Variants in CLTC observed in about 807,000 individuals in gnomAD.
CLTC encodes the protein clathrin heavy chain, also known as clathrin heavy chain 1.
In CLTC, 16 loss-of-function variants were observed where a neutral mutation model predicts 195.8. The observed-to-expected ratio is 0.08, with a 90% CI of 0.06 to 0.12. The LOEUF (loss-of-function observed/expected upper bound fraction) is 0.12, where lower values mean the gene tolerates loss of function less well. Among genes scored for constraint, CLTC ranks in the 10% least tolerant of loss-of-function variants. The pLI, the probability that CLTC is intolerant of heterozygous loss-of-function variation, is 1.00. For synonymous variants in CLTC, 667 were observed against 689.4 expected (o/e 0.97, Z 0.51); for missense variants, 796 against 2,027.0 (o/e 0.39, Z 11.66).
chr17:59,691,310 C>A (rs972844650), intron 31 of CLTC, among the ~76,000 whole-genome samples: 1 of 152,082 alleles, frequency 6.6e-6, no homozygotes, highest in African/African-American at 2.4e-5. Flanking sequence ...AGCACAATAA[C>A]CAGGTGAGGG....
At chr17:59,680,780 T>C in intron 18 of CLTC, 132 bp from the exon 19 acceptor site, 1 of 615,368 alleles carries the variant, frequency 1.6e-6, no homozygotes, top group East Asian at 2.7e-5. Context: ...AAGACCTCTC[T>C]ATGTAAATTT....
At chr17:59,639,875 GA>G (rs963873334) in intron 1 of CLTC, among the ~76,000 whole-genome samples, 1 of 151,638 alleles carries the variant, frequency 6.6e-6, no homozygotes, top group Non-Finnish European at 1.5e-5. Flanking sequence ...GAGGTAGGAA[GA>G]TCACTTGAGC....
chr17:59,679,385 T>C lies in CLTC; in HGVS notation c.2797-12T>C, dbSNP rs2143586411. On this transcript the variant is annotated splice_polypyrimidine_tract_variant and intron_variant, in intron 17 of 31. Coordinates refer to ENST00000269122, the MANE Select transcript of CLTC (RefSeq NM_004859.4). ...TTTTTACCTTGAAATTAATCTATCA[T>C]ATCTTCTTTAGGTTTGCAATGAGAA... The C allele has an allele frequency of 6.3e-7, 1 of 1,591,318 alleles. No homozygotes were observed. Among genetic ancestry groups the C allele is most frequent in the Non-Finnish European group, 8.6e-7 (1 of 1,166,694 alleles).
At position 59,682,487 on chromosome 17, in the gene CLTC, G is replaced by A. The variant is rs1341908953; in HGVS notation, c.3600+59G>A. 2 of 1,600,232 alleles carry A rather than the reference G, an allele frequency of 1.2e-6. No homozygotes were observed. The highest frequency in any genetic ancestry group is 1.3e-5 in the African/African-American group (1 of 74,210). On this transcript the variant is annotated intron_variant, in intron 22 of 31. Coordinates refer to ENST00000269122, the MANE Select transcript of CLTC (RefSeq NM_004859.4). This position sits in a 1 kb window ranked among gnomAD's most constrained non-coding sequence, Gnocchi z 6.8. ...TTGGGCTACTTGATTAGCTTGGTAG[G>A]ATCAAAACATCATAACTGAAGAATT...
intron 5 of CLTC, among the ~76,000 whole-genome samples, chr17:59,655,529 A>G (rs2032444709): frequency 2.0e-5 from 3 of 151,864 alleles, no homozygotes; most frequent in African/African-American, 7.3e-5. Flanking sequence ...TGCTCGATGC[A>G]GGGTTGCCAT....
chr17:59,658,150 C>T (rs780052981), intron 6 of CLTC, among the ~76,000 whole-genome samples: 4 of 152,114 alleles, frequency 2.6e-5, no homozygotes, highest in Non-Finnish European at 5.9e-5. Context: ...TTGCTGTGAG[C>T]CAATATTGTG....
chr17:59,678,919 T>C (rs190688122), intron 17 of CLTC, among the ~76,000 whole-genome samples: 19 of 152,322 alleles, frequency 1.2e-4, no homozygotes, highest in Admixed American at 2.6e-4. Context: ...GGAGGATCAC[T>C]TGAGCCCAGG....
Position 59,668,940 on chromosome 17 carries a change from G to A in CLTC, c.2292G>A (p.Lys764=), listed in dbSNP as rs1451901038. The change falls in exon 14 of 32, where the codon AAG becomes AAA. Residue 764 remains lysine, a splice_region_variant and synonymous_variant. Coordinates refer to ENST00000269122, the MANE Select transcript of CLTC (RefSeq NM_004859.4). ...YDPERVKNFL[K]EAKLTDQLPL... ...CTGAGCGAGTCAAGAATTTTCTTAA[G>A]GTAAGTGGTTTTGAGTAATGTGTTT... 1 of 1,607,588 alleles carries A rather than the reference G, an allele frequency of 6.2e-7. No individual in the cohort carries two copies. Among genetic ancestry groups the A allele is most frequent in the African/African-American group, 1.3e-5 (1 of 74,480 alleles).
At chr17:59,632,799 T>C (rs1450806276) in intron 1 of CLTC, among the ~76,000 whole-genome samples, 5 of 152,234 alleles carry the variant, frequency 3.3e-5, no homozygotes, top group Non-Finnish European at 7.3e-5. Context: ...CACTTGTTTT[T>C]AGAAGACATG....
intron 1 of CLTC, among the ~76,000 whole-genome samples, chr17:59,623,910 C>T (rs146194914): frequency 6.6e-6 from 1 of 152,318 alleles, no homozygotes; most frequent in African/African-American, 2.4e-5. Context: ...TTGACTCCTA[C>T]ATTGGACTGC....
Position 59,682,048 on chromosome 17 carries a change from G to A in CLTC, c.3442+209G>A, listed in dbSNP as rs1037087103. ...GGAAGATGAATCTTCTGTTTTTGAA[G>A]TCTCATAAAATCCTGATAGTGCTCT... On this transcript the variant is annotated intron_variant, in intron 21 of 31. Coordinates refer to ENST00000269122, the MANE Select transcript of CLTC (RefSeq NM_004859.4). This position sits in a 1 kb window ranked among gnomAD's most constrained non-coding sequence, Gnocchi z 6.8. Among the ~76,000 whole-genome samples, 2 of 152,132 alleles carry A rather than the reference G, an allele frequency of 1.3e-5. No homozygotes were observed. The highest frequency in any genetic ancestry group is 2.4e-5 in the African/African-American group (1 of 41,442).
At chr17:59,620,274 G>C (rs960484339) in intron 1 of CLTC, 101 bp downstream of exon 1, 28 of 1,283,752 alleles carry the variant, frequency 2.2e-5, no homozygotes, top group Non-Finnish European at 2.9e-5. Context: ...TGGAGGGGCG[G>C]GGGGGTTGTC....
At chr17:59,674,487 CTT>C in intron 15 of CLTC, 1 of 510,904 alleles carries the variant, frequency 2.0e-6, no homozygotes, top group Non-Finnish European at 3.4e-6. Context: ...GCTTTCAATA[CTT>C]ATTAAACCAT....
chr17:59,634,027 G>A (rs1030503892), intron 1 of CLTC, among the ~76,000 whole-genome samples: 7 of 152,120 alleles, frequency 4.6e-5, no homozygotes, highest in African/African-American at 1.7e-4. Context: ...TCCCACCTCA[G>A]CCTGCCAACT....
chr17:59,688,736 CTG>C (rs1451763450), intron 30 of CLTC, among the ~76,000 whole-genome samples: 29 of 152,200 alleles, frequency 1.9e-4, no homozygotes, highest in Non-Finnish European at 1.5e-5. Flanking sequence ...AATAGGACTT[CTG>C]TGTTCAACAT....
At chr17:59,657,429 T>C (rs916651558) in intron 6 of CLTC, among the ~76,000 whole-genome samples, 2 of 152,208 alleles carry the variant, frequency 1.3e-5, no homozygotes, top group Non-Finnish European at 2.9e-5. Context: ...TTTTAAAAAT[T>C]CAGTAGCTTT....
At chr17:59,659,011 C>T (rs1479021310) in intron 6 of CLTC, among the ~76,000 whole-genome samples, 1 of 152,090 alleles carries the variant, frequency 6.6e-6, no homozygotes, top group African/African-American at 2.4e-5. Context: ...TCACTGAGTT[C>T]TCAAGTATTT....
At position 59,661,427 on chromosome 17, in the gene CLTC, T is replaced by G. The variant is rs769136729; in HGVS notation, c.1168-16T>G. 1 of 1,608,086 alleles carries G rather than the reference T, an allele frequency of 6.2e-7. No individual in the cohort carries two copies. The highest frequency in any genetic ancestry group is 8.5e-7 in the Non-Finnish European group (1 of 1,174,746). ...TTACACTTTCGAAGAGCGTTTAACA[T>G]TTCTCCTTCTTAAAGGGAATTCTTC... On this transcript the variant is annotated splice_polypyrimidine_tract_variant and intron_variant, in intron 7 of 31. Transcript: ENST00000269122.
At chr17:59,652,589 G>A (rs986458868) in intron 5 of CLTC, among the ~76,000 whole-genome samples, 6 of 152,130 alleles carry the variant, frequency 3.9e-5, no homozygotes, top group South Asian at 2.1e-4. Flanking sequence ...GTGCATTGTC[G>A]ATGAGCAGTA....
Sources: allele counts gnomAD v4.1 joint callset (sites outside exome capture counted in the v4.1 genomes callset), GRCh38; gene constraint gnomAD v4.1.1; non-coding constraint Gnocchi (gnomAD v3.1); transcripts MANE v1.5; gene names NCBI Gene and HGNC (gene_info 2026-07-23, HGNC 2026-07-21).